Variants in GUCY1A2 observed in about 807,000 individuals in gnomAD.
The protein encoded by GUCY1A2 is guanylate cyclase 1 soluble subunit alpha 2, also known as guanylate cyclase soluble subunit alpha-2.
A neutral mutation model predicts 63.5 loss-of-function variants in GUCY1A2; 27 were observed. The ratio of observed to expected loss-of-function variants is 0.43; its 90% CI spans 0.31 to 0.59. The LOEUF (loss-of-function observed/expected upper bound fraction) is 0.59. Ranked by LOEUF, GUCY1A2 falls within the 20% of genes least tolerant of loss-of-function variation. The probability of loss-of-function intolerance (pLI) is 0.11; values close to 1 mark genes in which losing one functional copy is unlikely to be tolerated. For synonymous variants in GUCY1A2, 364 were observed against 343.5 expected, an observed-to-expected ratio of 1.06 and a Z score of -0.66; for missense variants, 768 against 913.3, an observed-to-expected ratio of 0.84 and a Z score of 2.05.
intron 6 of GUCY1A2, among the ~76,000 whole-genome samples, chr11:106,711,572 T>C (rs570502848): frequency 6.6e-6 from 1 of 152,256 alleles, no homozygotes; most frequent in East Asian, 1.9e-4. Flanking sequence ...TTGGCACATA[T>C]CCAGAGCACC....
chr11:106,778,880 G>A lies in GUCY1A2; in HGVS notation c.1693-2298C>T, dbSNP rs1330804654. Among the ~76,000 whole-genome samples the A allele has an allele frequency of 1.3e-5, 2 of 152,050 alleles. 1 individual carries two copies. Among genetic ancestry groups the A allele is most frequent in the Admixed American group, 1.3e-4 (2 of 15,262 alleles). ...TTATGAGCGCCATCTAGATCTGTGTGCTATGTAGATCTGTATAGGAAAAAT... is the reference window on the plus strand; with the variant it reads ...TTATGAGCGCCATCTAGATCTGTGTACTATGTAGATCTGTATAGGAAAAAT... On this transcript the variant is annotated intron_variant, in intron 5 of 7. Coordinates refer to ENST00000526355, the MANE Select transcript of GUCY1A2 (RefSeq NM_000855.3).
chr11:106,769,738 A>G (rs916900796), intron 6 of GUCY1A2, among the ~76,000 whole-genome samples: 2 of 152,132 alleles, frequency 1.3e-5, no homozygotes, highest in Non-Finnish European at 2.9e-5. Context: ...GGAGATTAAA[A>G]GCAAATTTAA....
rs1428800185 is a variant in GUCY1A2, at chr11:106,939,725, G to A, written c.941C>T (p.Ala314Val). Reference sequence around the variant, plus strand: ...GGTGTTGATGCTAATTCTGAGGTCCGCAGGAACTTGGGAGGTTCCCTGTGG... The same window carrying A: ...GGTGTTGATGCTAATTCTGAGGTCCACAGGAACTTGGGAGGTTCCCTGTGG... Reference protein sequence around the residue: ...NLPQGTSQVPADLRISINTFC... With the variant: ...NLPQGTSQVPVDLRISINTFC... The change falls in exon 4 of 8, where the codon GCG becomes GTG. Residue 314 changes from alanine (A) to valine (V), a missense_variant. This residue lies in a region of GUCY1A2 where 496 missense variants were observed against 486.9 expected (regional missense o/e 1.02). Transcript: ENST00000526355. 5.6e-6 allele frequency: 9 copies of A among 1,613,056 alleles called. No homozygotes were observed. The highest frequency in any genetic ancestry group is 4.0e-5 in the African/African-American group (3 of 74,910).
chr11:106,939,851 G>C lies in GUCY1A2; in HGVS notation c.815C>G (p.Ala272Gly), dbSNP rs543976307. 1 of 1,613,996 alleles carries C rather than the reference G, an allele frequency of 6.2e-7. No homozygotes were observed. The highest frequency in any genetic ancestry group is 1.3e-5 in the African/African-American group (1 of 75,032). Reference protein sequence around the residue: ...YRLDVEVEQVANEKLCSDVSN... With the variant: ...YRLDVEVEQVGNEKLCSDVSN... ...AACATCAGAGCATAGCTTCTCATTTGCAACCTGTTCCACTTCCACATCCAG... is the reference window on the plus strand; with the variant it reads ...AACATCAGAGCATAGCTTCTCATTTCCAACCTGTTCCACTTCCACATCCAG... The change falls in exon 4 of 8, where the codon GCA (alanine) becomes GGA (glycine). Residue 272 changes from alanine (A) to glycine (G), a missense_variant. Ala to Gly is a moderately conservative substitution (Grantham distance 60). Around this residue, in one of 3 missense-constraint regions of GUCY1A2, gnomAD observed 496 missense variants for 486.9 expected, o/e 1.02. Transcript: ENST00000526355.
chr11:106,960,699 A>G (rs1861047795), intron 3 of GUCY1A2, among the ~76,000 whole-genome samples: 1 of 152,198 alleles, frequency 6.6e-6, no homozygotes, highest in Non-Finnish European at 1.5e-5. Context: ...AAGTTCTTAA[A>G]TCATCACCAT....
At chr11:106,784,121 C>T (rs73551811) in intron 5 of GUCY1A2, among the ~76,000 whole-genome samples, 2,789 of 152,244 alleles carry the variant, frequency 0.018, 84 homozygotes, top group African/African-American at 0.063. Context: ...ACCTACATTT[C>T]TTCCTCCACC....
At chr11:106,714,331 A>G (rs1273125602) in intron 6 of GUCY1A2, among the ~76,000 whole-genome samples, 1 of 152,220 alleles carries the variant, frequency 6.6e-6, no homozygotes, top group African/African-American at 2.4e-5. Flanking sequence ...ATCATGGAAC[A>G]GGACTCAGAG....
intron 3 of GUCY1A2, among the ~76,000 whole-genome samples, chr11:106,941,732 A>G (rs1466968715): frequency 6.6e-6 from 1 of 152,224 alleles, no homozygotes; most frequent in African/African-American, 2.4e-5. Context: ...AAATAGTCAA[A>G]GCACATCTAA....
chr11:106,787,596 A>AGGGGAGGGTGAGGGAGGG (rs1321102996), intron 5 of GUCY1A2, among the ~76,000 whole-genome samples: 4 of 141,808 alleles, frequency 2.8e-5, no homozygotes, highest in African/African-American at 5.2e-5. Flanking sequence ...AAGGAAGGGA[A>AGGGGAGGGTGAGGGAGGG]GGGAAAAAGA....
chr11:106,885,639 C>G (rs1474030543), intron 4 of GUCY1A2, among the ~76,000 whole-genome samples: 2 of 152,142 alleles, frequency 1.3e-5, no homozygotes, highest in African/African-American at 4.8e-5. Context: ...TATCGAACCA[C>G]ATAATTCCAT....
intron 4 of GUCY1A2, among the ~76,000 whole-genome samples, chr11:106,925,642 A>G (rs932769258): frequency 8.5e-5 from 13 of 152,228 alleles, no homozygotes; most frequent in Non-Finnish European, 1.5e-5. Context: ...TATAATACAT[A>G]ATAGTTTATA....
At chr11:106,762,126 A>G (rs1864076265) in intron 6 of GUCY1A2, among the ~76,000 whole-genome samples, 2 of 152,136 alleles carry the variant, frequency 1.3e-5, no homozygotes. Context: ...TTTCAAAAGG[A>G]CAAGATTATG....
chr11:106,738,749 A>C (rs1321227707), intron 6 of GUCY1A2, among the ~76,000 whole-genome samples: 2 of 152,222 alleles, frequency 1.3e-5, no homozygotes, highest in South Asian at 4.1e-4. Context: ...CCACTGGTCT[A>C]TACATCTGTT....
At chr11:106,981,969 TATTG>T (rs1591353406) in intron 2 of GUCY1A2, among the ~76,000 whole-genome samples, 1 of 152,198 alleles carries the variant, frequency 6.6e-6, no homozygotes, top group African/African-American at 2.4e-5. Flanking sequence ...TCAATTCATT[TATTG>T]ATTATCTTTG....
At chr11:106,741,400 G>T (rs911800543) in intron 6 of GUCY1A2, among the ~76,000 whole-genome samples, 1 of 152,156 alleles carries the variant, frequency 6.6e-6, no homozygotes, top group Non-Finnish European at 1.5e-5. Context: ...AAGCATACAT[G>T]TGAGCTGGGG....
intron 6 of GUCY1A2, among the ~76,000 whole-genome samples, chr11:106,713,130 T>G (rs1454649682): frequency 1.3e-5 from 2 of 152,180 alleles, no homozygotes; most frequent in Non-Finnish European, 2.9e-5. Context: ...TCAAGGCATT[T>G]AGCTAGGACA....
intron 3 of GUCY1A2, among the ~76,000 whole-genome samples, chr11:106,974,328 T>C (rs571353875): frequency 5.9e-5 from 9 of 152,228 alleles, no homozygotes; most frequent in African/African-American, 2.2e-4. Context: ...ATGTTAAACA[T>C]ATTCTTATCT....
chr11:106,813,144 T>C (rs542015812), intron 4 of GUCY1A2, among the ~76,000 whole-genome samples: 3 of 152,080 alleles, frequency 2.0e-5, no homozygotes, highest in African/African-American at 7.2e-5. Flanking sequence ...TAAACATCTA[T>C]CTAAGGTTTT....
chr11:107,010,729 A>AC (rs1861731367), intron 1 of GUCY1A2, among the ~76,000 whole-genome samples: 1 of 151,822 alleles, frequency 6.6e-6, no homozygotes, highest in South Asian at 2.1e-4. Context: ...TCTCCTGAGC[A>AC]CTTTTTTTTT....
Sources: gnomAD v4.1 joint callset for allele counts (sites outside exome capture counted in the v4.1 genomes callset) on GRCh38, gnomAD v4.1.1 for gene constraint, gnomAD v4.1.1 regional missense constraint, MANE v1.5 for transcripts, NCBI Gene and HGNC (gene_info 2026-07-23, HGNC 2026-07-21) for gene names.